Variants in SIM1 observed in about 807,000 individuals in gnomAD.
SIM1 encodes the protein SIM bHLH transcription factor 1.
Under a neutral mutation model 78.2 loss-of-function variants are expected in SIM1, and 18 were observed. That is an observed-to-expected ratio of 0.23 (90% confidence interval 0.16 to 0.34). The LOEUF (loss-of-function observed/expected upper bound fraction) is 0.34, where lower values mean the gene tolerates loss of function less well. Ranked by LOEUF, SIM1 falls within the 10% of genes least tolerant of loss-of-function variation. SIM1 has a pLI of 1.00. For synonymous variants in SIM1, 417 were observed against 385.2 expected, an observed-to-expected ratio of 1.08 and a Z score of -0.97; for missense variants, 939 against 975.1, an observed-to-expected ratio of 0.96 and a Z score of 0.49.
At chr6:100,456,394 TTTGA>T (rs899115497) in intron 2 of SIM1, among the ~76,000 whole-genome samples, 7 of 152,188 alleles carry the variant, frequency 4.6e-5, no homozygotes, top group Non-Finnish European at 1.5e-5. Context: ...TCGCAAATCC[TTTGA>T]TTGTCTGTTT....
chr6:100,438,362 G>T (rs1424030279), intron 9 of SIM1, among the ~76,000 whole-genome samples: 2 of 152,148 alleles, frequency 1.3e-5, no homozygotes, highest in African/African-American at 4.8e-5. Flanking sequence ...ATGAAGAAAT[G>T]CTCAACATTA....
At chr6:100,396,734 A>T (rs540307876) in intron 10 of SIM1, among the ~76,000 whole-genome samples, 1 of 152,302 alleles carries the variant, frequency 6.6e-6, no homozygotes, top group Admixed American at 6.5e-5. Context: ...TTTAAAATGA[A>T]CTGCACTTGA....
chr6:100,448,293 T>C (rs775607821), intron 7 of SIM1, 41 bp from the exon 8 acceptor site: 1 of 1,521,156 alleles, frequency 6.6e-7, no homozygotes, highest in South Asian at 1.2e-5. Flanking sequence ...CAGGCGCGGG[T>C]GCAGGGATGC....
intron 4 of SIM1, 47 bp from the exon 5 acceptor site, chr6:100,449,746 G>A: frequency 2.7e-6 from 4 of 1,487,474 alleles, no homozygotes; most frequent in Non-Finnish European, 3.7e-6. Flanking sequence ...GGAATGCCCG[G>A]TGAAGGGACT....
intron 10 of SIM1, among the ~76,000 whole-genome samples, chr6:100,408,782 C>G (rs752648582): frequency 1.4e-4 from 21 of 152,100 alleles, no homozygotes; most frequent in Admixed American, 3.9e-4. Flanking sequence ...GGTGTATGAT[C>G]CTTTCAATAT....
chr6:100,461,825 T>TC (rs1772861332), intron 2 of SIM1, among the ~76,000 whole-genome samples: 1 of 128,338 alleles, frequency 7.8e-6, no homozygotes, highest in South Asian at 2.8e-4. Flanking sequence ...TTTCTTCTTT[T>TC]TTTCTTTCTT....
At chr6:100,412,636 GAAAAGAAA>G (rs1562239785) in intron 10 of SIM1, among the ~76,000 whole-genome samples, 38 of 75,824 alleles carry the variant, frequency 5.0e-4, no homozygotes, top group African/African-American at 1.4e-3. Context: ...AAGAAAGAAA[GAAAAGAAA>G]GAAAGAAAGA....
chr6:100,446,797 GTT>G (rs1772367462), intron 9 of SIM1, among the ~76,000 whole-genome samples: 1 of 152,168 alleles, frequency 6.6e-6, no homozygotes, highest in Admixed American at 6.5e-5. Flanking sequence ...CCCCTTTGTG[GTT>G]CAGGGGGGAA....
intron 10 of SIM1, among the ~76,000 whole-genome samples, chr6:100,394,613 C>G (rs34501046): frequency 0.33 from 49,997 of 151,902 alleles, 9,355 homozygotes; most frequent in East Asian, 0.75. Flanking sequence ...CTTTGTTGTC[C>G]AAGCTGGTCT....
At chr6:100,454,715 C>G (rs149925658) in intron 2 of SIM1, among the ~76,000 whole-genome samples, 1 of 152,080 alleles carries the variant, frequency 6.6e-6, no homozygotes, top group African/African-American at 2.4e-5. Context: ...GAGGCTTTGC[C>G]GCAAACTTTC....
chr6:100,396,976 T>C (rs1170001127), intron 10 of SIM1, among the ~76,000 whole-genome samples: 2 of 152,168 alleles, frequency 1.3e-5, no homozygotes, highest in Admixed American at 1.3e-4. Flanking sequence ...ATAATAACTA[T>C]TTGGTATCCT....
intron 9 of SIM1, among the ~76,000 whole-genome samples, chr6:100,432,367 G>T (rs924228305): frequency 6.6e-6 from 1 of 152,082 alleles, no homozygotes; most frequent in Non-Finnish European, 1.5e-5. Context: ...CAAGCTACTG[G>T]GTGGTGCTGA....
intron 10 of SIM1, among the ~76,000 whole-genome samples, chr6:100,412,620 GAAGGAAAGAAAGAAAGAAAA>G (rs1771244021): frequency 2.3e-4 from 20 of 86,708 alleles, no homozygotes; most frequent in African/African-American, 6.7e-4. Context: ...AGGAAAGAAA[GAAGGAAAGAAAGAAAGAAAA>G]GAAAGAAAGA....
chr6:100,420,753 C>A, intron 10 of SIM1, 37 bp downstream of exon 10: 2 of 1,597,270 alleles, frequency 1.3e-6, no homozygotes, highest in Non-Finnish European at 1.7e-6. Flanking sequence ...ACCATGTCGC[C>A]AAAAAAAAGA....
intron 9 of SIM1, among the ~76,000 whole-genome samples, chr6:100,432,671 G>T (rs1338832156): frequency 1.3e-5 from 2 of 151,972 alleles, no homozygotes; most frequent in Non-Finnish European, 2.9e-5. Flanking sequence ...ATAGCTGCAG[G>T]GTTTAGTCTT....
chr6:100,411,704 A>G (rs937837952), intron 10 of SIM1, among the ~76,000 whole-genome samples: 1 of 152,226 alleles, frequency 6.6e-6, no homozygotes, highest in Non-Finnish European at 1.5e-5. Flanking sequence ...ACACGTCATT[A>G]CTTTCAAAGA....
chr6:100,413,920 T>TC (rs1771330880), intron 10 of SIM1, among the ~76,000 whole-genome samples: 1 of 152,196 alleles, frequency 6.6e-6, no homozygotes, highest in Admixed American at 6.5e-5. Context: ...CCTAAAATGT[T>TC]CCCTTTCTCT....
rs1366737039 is a variant in SIM1 at position 100,388,915 on chromosome 6, C to G, written c.*1446G>C. On this transcript the variant is annotated 3_prime_UTR_variant, in exon 12 of 12. Transcript: ENST00000369208. ...TAACCTGCCTAAAGGAGCCCACACA[C>G]CTGCTTAAGTCACAAAGCATCTAAA... 1 of 152,228 alleles carries G rather than the reference C, an allele frequency of 6.6e-6. No homozygotes were observed. The highest frequency in any genetic ancestry group is 1.5e-5 in the Non-Finnish European group (1 of 68,038). The allele number at this position is 152,228 out of a possible 1,614,324, so 9.4% of individuals were successfully genotyped here. A position where few individuals can be genotyped will look rare whatever the true frequency, so the allele number is the denominator to read the frequency against.
In SIM1 at chr6:100,390,888, G is replaced by C; in HGVS notation, c.1774C>G (p.Leu592Val). The change falls in exon 12 of 12, where the codon CTG becomes GTG. Residue 592 changes from leucine to valine, a missense_variant. By Grantham distance (32) the Leu-to-Val change is conservative. Coordinates refer to ENST00000369208, the MANE Select transcript of SIM1 (RefSeq NM_005068.3). Reference protein sequence around the residue: ...LQLRKAPSDQLASINGAGKKH... With the variant: ...LQLRKAPSDQVASINGAGKKH... ...TTCCCAGCCCCATTAATGGAAGCCA[G>C]TTGGTCTGAGGGGGCTTTCCTTAGC... The C allele has an allele frequency of 1.9e-6, 3 of 1,614,184 alleles. No homozygotes were observed. The highest frequency in any genetic ancestry group is 1.1e-5 in the South Asian group (1 of 91,082).
Sources: gnomAD v4.1 joint callset for allele counts (sites outside exome capture counted in the v4.1 genomes callset) on GRCh38, gnomAD v4.1.1 for gene constraint, MANE v1.5 for transcripts, NCBI Gene and HGNC (gene_info 2026-07-23, HGNC 2026-07-21) for gene names.